Variants in RBFOX1 observed in about 807,000 individuals in gnomAD.
The protein encoded by RBFOX1 is RNA binding fox-1 homolog 1.
RBFOX1 carries 8 observed loss-of-function variants against 57.7 expected under a neutral mutation model. That is an observed-to-expected ratio of 0.14 (90% CI 0.08 to 0.25). The LOEUF is 0.25. Ranked by LOEUF, RBFOX1 falls within the 10% of genes least tolerant of loss-of-function variation. The pLI is 1.00. For synonymous variants in RBFOX1, 326 were observed against 222.4 expected, an observed-to-expected ratio of 1.47 and a Z score of -4.15; for missense variants, 611 against 548.5, an observed-to-expected ratio of 1.11 and a Z score of -1.14.
At chr16:7,253,655 T>C (rs2094570075) in intron 4 of RBFOX1, among the ~76,000 whole-genome samples, 1 of 152,166 alleles carries the variant, frequency 6.6e-6, no homozygotes, top group Non-Finnish European at 1.5e-5. Flanking sequence ...TTGCCTATGC[T>C]TTGACATCAC....
At chr16:5,555,471 G>T (rs1019538897) in intron 2 of RBFOX1, among the ~76,000 whole-genome samples, 2 of 151,710 alleles carry the variant, frequency 1.3e-5, no homozygotes, top group African/African-American at 4.8e-5. Context: ...GGCTGGTCTT[G>T]AACTCCTGAC....
chr16:5,582,796 G>T (rs889348361), intron 2 of RBFOX1, among the ~76,000 whole-genome samples: 13 of 152,094 alleles, frequency 8.5e-5, no homozygotes, highest in African/African-American at 3.1e-4. Flanking sequence ...TGAGGAGGTG[G>T]TTATCAGTTC....
chr16:6,859,135 ATATACG>A lies in RBFOX1; in HGVS notation c.-15-192917_-15-192912del, dbSNP rs371683542. On this transcript the variant is annotated intron_variant, in intron 3 of 15. Coordinates refer to ENST00000550418, the MANE Select transcript of RBFOX1 (RefSeq NM_018723.4). ...TGTATATATATATATATATACATAT[ATATACG>A]TATATATATATGTATATATATACGT... 7.8e-3 allele frequency among the ~76,000 whole-genome samples: 795 copies of A among 102,326 alleles called. 6 individuals carry two copies. The highest frequency in any genetic ancestry group is 0.013 in the Admixed American group (129 of 10,024). 67.1% of individuals were successfully genotyped at this position (102,326 alleles called of 152,430 possible). A position where few individuals can be genotyped will look rare whatever the true frequency, so the allele number is the denominator to read the frequency against.
intron 4 of RBFOX1, among the ~76,000 whole-genome samples, chr16:7,197,130 C>T (rs1178456012): frequency 6.6e-6 from 1 of 152,182 alleles, no homozygotes; most frequent in African/African-American, 2.4e-5. Context: ...CTCTACCCAT[C>T]TCCAATCTGT....
At chr16:6,031,605 AT>A (rs1359319643) in intron 1 of RBFOX1, among the ~76,000 whole-genome samples, 2 of 152,166 alleles carry the variant, frequency 1.3e-5, no homozygotes, top group Non-Finnish European at 2.9e-5. Context: ...GCAAACGTGC[AT>A]TTTTGTGTAC....
chr16:7,701,701 T>G (rs980966916), intron 14 of RBFOX1, among the ~76,000 whole-genome samples: 5 of 152,186 alleles, frequency 3.3e-5, no homozygotes, highest in African/African-American at 1.2e-4. Context: ...AATAAATGTA[T>G]AAGTCATTGC....
chr16:6,593,060 C>T (rs1258162576), intron 2 of RBFOX1, among the ~76,000 whole-genome samples: 1 of 152,142 alleles, frequency 6.6e-6, no homozygotes, highest in Non-Finnish European at 1.5e-5. Context: ...GGTGTGGTGG[C>T]AGGTGCCTGT....
chr16:6,133,407 T>G (rs1303813385), intron 1 of RBFOX1, among the ~76,000 whole-genome samples: 1 of 152,198 alleles, frequency 6.6e-6, no homozygotes, highest in Non-Finnish European at 1.5e-5. Context: ...GGGTTCTGAA[T>G]GAATAAATAA....
In RBFOX1 at chr16:6,380,398, A is replaced by ATTTTTTTT. The variant is rs60498960; in HGVS notation, c.-64+63382_-64+63389dup. Among the ~76,000 whole-genome samples, 2 of 49,158 alleles carry ATTTTTTTT rather than the reference A, an allele frequency of 4.1e-5. 1 individual carries two copies. The allele number at this position is 49,158 out of a possible 152,430, so 32.2% of individuals were successfully genotyped here. On this transcript the variant is annotated intron_variant, in intron 2 of 15. Coordinates refer to ENST00000550418, the MANE Select transcript of RBFOX1 (RefSeq NM_018723.4). Reference sequence around the variant, plus strand: ...CGTCTGTGAGTGGTGAATGGTGGGGATTTTTTTTTTTTTTTTTTTTTTTTT... The same window carrying ATTTTTTTT: ...CGTCTGTGAGTGGTGAATGGTGGGGATTTTTTTTTTTTTTTTTTTTTTTTTTTTTTTTT...
chr16:7,341,514 T>C (rs761500264), intron 4 of RBFOX1, among the ~76,000 whole-genome samples: 1 of 152,142 alleles, frequency 6.6e-6, no homozygotes, highest in Non-Finnish European at 1.5e-5. Flanking sequence ...TAAGCACAAC[T>C]GTTTGAAGAT....
At chr16:6,746,168 G>C (rs1325479460) in intron 3 of RBFOX1, among the ~76,000 whole-genome samples, 1 of 152,086 alleles carries the variant, frequency 6.6e-6, no homozygotes, top group Non-Finnish European at 1.5e-5. Context: ...TGTAGGTTGA[G>C]AGACTTATCT....
intron 4 of RBFOX1, among the ~76,000 whole-genome samples, chr16:5,965,481 TAA>T (rs1288909017): frequency 1.3e-5 from 2 of 152,132 alleles, no homozygotes; most frequent in Admixed American, 6.6e-5. Flanking sequence ...AATCAAGCTG[TAA>T]GTGGCATGCT....
intron 2 of RBFOX1, among the ~76,000 whole-genome samples, chr16:5,509,762 A>G (rs933783260): frequency 6.6e-6 from 1 of 152,208 alleles, no homozygotes; most frequent in East Asian, 1.9e-4. Flanking sequence ...AGATGGGCGC[A>G]TACACAGGGG....
chr16:7,450,457 G>A (rs2150183396), intron 4 of RBFOX1, among the ~76,000 whole-genome samples: 1 of 151,468 alleles, frequency 6.6e-6, no homozygotes, highest in East Asian at 1.9e-4. Context: ...AGGGACTGTG[G>A]ATGATAAATT....
chr16:7,632,822 C>T (rs1462234105), intron 11 of RBFOX1, among the ~76,000 whole-genome samples: 1 of 152,150 alleles, frequency 6.6e-6, no homozygotes, highest in African/African-American at 2.4e-5. Context: ...CTAATGGTTA[C>T]CATATTGGAC....
chr16:6,689,554 C>T (rs538117218), intron 3 of RBFOX1, among the ~76,000 whole-genome samples: 3 of 152,060 alleles, frequency 2.0e-5, no homozygotes, highest in Non-Finnish European at 4.4e-5. Context: ...ACTTATCTTT[C>T]CTGTAAGGTG....
chr16:5,527,964 G>C (rs906310515), intron 2 of RBFOX1, among the ~76,000 whole-genome samples: 1 of 152,140 alleles, frequency 6.6e-6, no homozygotes, highest in Non-Finnish European at 1.5e-5. Context: ...AGTGTGAATT[G>C]CCTGTCAGGA....
At chr16:7,193,438 T>C (rs547595471) in intron 4 of RBFOX1, among the ~76,000 whole-genome samples, 1 of 152,174 alleles carries the variant, frequency 6.6e-6, no homozygotes, top group Non-Finnish European at 1.5e-5. Flanking sequence ...ATAAGATGGG[T>C]TGTTTGTGTT....
chr16:5,465,666 T>C (rs1314559909), intron 1 of RBFOX1, among the ~76,000 whole-genome samples: 1 of 152,218 alleles, frequency 6.6e-6, no homozygotes, highest in African/African-American at 2.4e-5. Flanking sequence ...TTCATGGTCA[T>C]GGGCTCATCT....
Sources: gnomAD v4.1 joint callset for allele counts (sites outside exome capture counted in the v4.1 genomes callset) on GRCh38, gnomAD v4.1.1 for gene constraint, MANE v1.5 for transcripts, NCBI Gene and HGNC (gene_info 2026-07-23, HGNC 2026-07-21) for gene names.